The following SH3RF3 variants were observed in gnomAD, a reference collection of about 807,000 sequenced individuals.
The protein encoded by SH3RF3 is SH3 domain containing ring finger 3.
Under a neutral mutation model 66.3 loss-of-function variants are expected in SH3RF3, and 29 were observed. That is an observed-to-expected ratio of 0.44 (90% CI 0.33 to 0.60). The LOEUF (loss-of-function observed/expected upper bound fraction) is 0.60, where lower values mean the gene tolerates loss of function less well. SH3RF3 is among the 20% of genes least tolerant of loss of function. The pLI is 0.04. For synonymous variants in SH3RF3, 583 were observed against 532.0 expected, an observed-to-expected ratio of 1.10 and a Z score of -1.32; for missense variants, 1,194 against 1,190.9, an observed-to-expected ratio of 1.00 and a Z score of -0.04.
chr2:109,254,677 AC>A (rs909971017), intron 1 of SH3RF3, among the ~76,000 whole-genome samples: 6 of 151,942 alleles, frequency 3.9e-5, no homozygotes, highest in African/African-American at 1.5e-4. Context: ...TCTCAGCTGT[AC>A]CCCCTAATGT....
chr2:109,468,855 G>GAAAA (rs397940375), intron 8 of SH3RF3, among the ~76,000 whole-genome samples: 2 of 64,854 alleles, frequency 3.1e-5, no homozygotes, highest in African/African-American at 1.1e-4. Context: ...CTCTGTCTCA[G>GAAAA]AAAAAAAAAA....
intron 5 of SH3RF3, among the ~76,000 whole-genome samples, chr2:109,427,836 T>C (rs1677069414): frequency 6.6e-6 from 1 of 152,236 alleles, no homozygotes; most frequent in Non-Finnish European, 1.5e-5. Context: ...GACCATGATG[T>C]CAGCCCTCAG....
intron 5 of SH3RF3, among the ~76,000 whole-genome samples, chr2:109,420,925 T>A (rs1463671804): frequency 6.6e-6 from 1 of 152,224 alleles, no homozygotes; most frequent in Non-Finnish European, 1.5e-5. Context: ...AATTAACCAA[T>A]GTAATGAAAG....
At chr2:109,399,406 GT>G (rs1379934149) in intron 4 of SH3RF3, among the ~76,000 whole-genome samples, 1 of 151,698 alleles carries the variant, frequency 6.6e-6, no homozygotes, top group East Asian at 1.9e-4. Flanking sequence ...CGTTACTGTT[GT>G]TTCTACAGAT....
chr2:109,260,923 G>A (rs1465067089), intron 1 of SH3RF3, among the ~76,000 whole-genome samples: 2 of 152,166 alleles, frequency 1.3e-5, no homozygotes, highest in African/African-American at 2.4e-5. Context: ...GTGAGAGGAA[G>A]GCCACTCTGT....
chr2:109,342,626 G>A (rs981316860), intron 1 of SH3RF3, among the ~76,000 whole-genome samples: 6 of 152,212 alleles, frequency 3.9e-5, no homozygotes, highest in South Asian at 2.1e-4. Context: ...CCCTCCCGAC[G>A]CTGCAGGCCG....
intron 2 of SH3RF3, among the ~76,000 whole-genome samples, chr2:109,353,326 T>C (rs1682879175): frequency 6.6e-6 from 1 of 152,220 alleles, no homozygotes; most frequent in Non-Finnish European, 1.5e-5. Context: ...CACACATTTA[T>C]AGCTCGACCC....
chr2:109,397,869 C>T (rs879686356), intron 3 of SH3RF3, among the ~76,000 whole-genome samples: 6 of 152,246 alleles, frequency 3.9e-5, no homozygotes, highest in Admixed American at 2.6e-4. Flanking sequence ...CAGGATCAGA[C>T]TTTCGTCAAA....
chr2:109,184,053 G>A (rs1678129776), intron 1 of SH3RF3, among the ~76,000 whole-genome samples: 1 of 152,346 alleles, frequency 6.6e-6, no homozygotes, highest in South Asian at 2.1e-4. Flanking sequence ...GCTGTCCAGG[G>A]TATCACGATC....
chr2:109,129,776 G>A lies in SH3RF3; in HGVS notation c.236G>A (p.Arg79His). Residue 79 changes from arginine to histidine, a missense_variant, in exon 1 of 10, where the codon CGC becomes CAC. Transcript: ENST00000309415. ...CTGCCATGCCAACACACTTTCTGCC[G>A]CCGCTGCCTGGAGAGCATCGTGTGC... ...KVLPCQHTFC[R>H]RCLESIVCSR... The A allele has an allele frequency of 1.9e-6, 3 of 1,539,068 alleles. No individual in the cohort carries two copies. The highest frequency in any genetic ancestry group is 2.5e-5 in the East Asian group (1 of 40,616).
At chr2:109,175,581 G>A (rs1220834035) in intron 1 of SH3RF3, among the ~76,000 whole-genome samples, 2 of 152,178 alleles carry the variant, frequency 1.3e-5, no homozygotes, top group Non-Finnish European at 2.9e-5. Context: ...TGCAGGAGCT[G>A]CAAATCTGAA....
chr2:109,389,221 C>A (rs1675912894), intron 3 of SH3RF3, among the ~76,000 whole-genome samples: 1 of 152,218 alleles, frequency 6.6e-6, no homozygotes, highest in Non-Finnish European at 1.5e-5. Flanking sequence ...GCTGTGAGGG[C>A]CCCTCCTGGT....
chr2:109,232,839 T>C (rs991482306), intron 1 of SH3RF3, among the ~76,000 whole-genome samples: 1 of 152,324 alleles, frequency 6.6e-6, no homozygotes, highest in Admixed American at 6.5e-5. Context: ...TGCAAAATTT[T>C]ATCGAGGTTC....
At position 109,468,183 on chromosome 2, in the gene SH3RF3, G is replaced by A. The variant is rs749254947; in HGVS notation, c.2148+18694G>A. On this transcript the variant is annotated intron_variant, in intron 8 of 9. Transcript: ENST00000309415. Reference sequence around the variant, plus strand: ...GAGTGGACTCACACAAACCTAGATGGCACAGCCTGTGACACACCTAGGCTG... The same window carrying A: ...GAGTGGACTCACACAAACCTAGATGACACAGCCTGTGACACACCTAGGCTG... Among the ~76,000 whole-genome samples, 6 of 152,336 alleles carry A rather than the reference G, an allele frequency of 3.9e-5. No individual in the cohort carries two copies. In the South Asian group the frequency reaches 1.2e-3, roughly 32 times the overall value.
At chr2:109,155,860 T>C (rs1321813045) in intron 1 of SH3RF3, among the ~76,000 whole-genome samples, 1 of 152,232 alleles carries the variant, frequency 6.6e-6, no homozygotes, top group Non-Finnish European at 1.5e-5. Context: ...AGCTTTGTTA[T>C]AACTATTTTG....
At chr2:109,251,972 A>G (rs1000290909) in intron 1 of SH3RF3, among the ~76,000 whole-genome samples, 2 of 152,132 alleles carry the variant, frequency 1.3e-5, no homozygotes, top group Admixed American at 6.5e-5. Context: ...ACTGAACACA[A>G]TGGCTCACGA....
chr2:109,459,492 C>T (rs147221812), intron 8 of SH3RF3, among the ~76,000 whole-genome samples: 2 of 152,208 alleles, frequency 1.3e-5, no homozygotes, highest in Admixed American at 1.3e-4. Context: ...TATAGTTTTC[C>T]ATTGACCTCA....
chr2:109,204,770 C>T (rs1206336800), intron 1 of SH3RF3, among the ~76,000 whole-genome samples: 1 of 152,226 alleles, frequency 6.6e-6, no homozygotes, highest in East Asian at 1.9e-4. Context: ...AAATGTCCTG[C>T]ATTCTAGATT....
intron 1 of SH3RF3, among the ~76,000 whole-genome samples, chr2:109,220,608 A>G (rs546096535): frequency 1.3e-5 from 2 of 152,358 alleles, no homozygotes; most frequent in African/African-American, 4.8e-5. Context: ...AAATGGGTCA[A>G]GGTTTTCAGT....
Sources: allele counts gnomAD v4.1 joint callset (sites outside exome capture counted in the v4.1 genomes callset), GRCh38; gene constraint gnomAD v4.1.1; transcripts MANE v1.5; gene names NCBI Gene and HGNC (gene_info 2026-07-23, HGNC 2026-07-21).